IMPDH2: variants seen among roughly 807,000 people sequenced by gnomAD.
IMPDH2 encodes the protein inosine monophosphate dehydrogenase 2.
In IMPDH2, 33 loss-of-function variants were observed where a neutral mutation model predicts 57.8. That is an observed-to-expected ratio of 0.57 (90% CI 0.43 to 0.76). The LOEUF (loss-of-function observed/expected upper bound fraction) is 0.76, where lower values mean the gene tolerates loss of function less well. Among genes scored for constraint, IMPDH2 ranks in the 30% least tolerant of loss-of-function variants. IMPDH2 has a pLI of 0.00. For synonymous variants in IMPDH2, 270 were observed against 241.3 expected (o/e 1.12, Z -1.10); for missense variants, 446 against 659.1 (o/e 0.68, Z 3.54).
At position 49,028,420 on chromosome 3, in the gene IMPDH2, A is replaced by G. The variant is rs1336625815; in HGVS notation, c.249+11T>C. On this transcript the variant is annotated intron_variant, in intron 3 of 13. Transcript: ENST00000326739. ...GTCCTTGCTCCTTCCCCCACACCCC[A>G]TGGGGCTCACCGCCATTGCTATGGC... is the stretch of plus-strand genomic sequence containing the variant. The G allele has an allele frequency of 8.1e-6, 13 of 1,610,434 alleles. No homozygotes were observed. The highest frequency in any genetic ancestry group is 4.5e-5 in the East Asian group (2 of 44,872).
intron 13 of IMPDH2, 43 bp from the exon 14 acceptor site, chr3:49,024,447 G>A (rs1490885770): frequency 6.2e-7 from 1 of 1,614,176 alleles, no homozygotes; most frequent in Admixed American, 1.7e-5. Context: ...GCAGGAGAAA[G>A]GAGGCATGAG....
At chr3:49,028,919 CAG>C (rs1420157463) in intron 1 of IMPDH2, 113 bp from the exon 2 acceptor site, 7 of 868,718 alleles carry the variant, frequency 8.1e-6, no homozygotes, top group Non-Finnish European at 1.1e-5. Flanking sequence ...GTGGCACTGA[CAG>C]AGTCTGTGTG....
Position 49,026,992 on chromosome 3 carries a change from T to C in IMPDH2, c.587A>G (p.Glu196Gly). 1.2e-6 allele frequency: 2 copies of C among 1,614,158 alleles called. No homozygotes were observed. The highest frequency in any genetic ancestry group is 1.7e-6 in the Non-Finnish European group (2 of 1,179,970). The change falls in exon 6 of 14, where the codon GAG (glutamate) becomes GGG (glycine). Residue 196 changes from glutamate (E) to glycine (G), a missense_variant. Glu to Gly is a moderately conservative substitution (Grantham distance 98, BLOSUM62 -2). Transcript: ENST00000326739. ...VVAPAGITLKEANEILQRSKK... is the reference protein window; with the variant it reads ...VVAPAGITLKGANEILQRSKK... Reference sequence around the variant, plus strand: ...GCTGCGCTGCAGAATTTCATTTGCCTCCTTCAGTGTGATGCCTGCAGGGGC... The same window carrying C: ...GCTGCGCTGCAGAATTTCATTTGCCCCCTTCAGTGTGATGCCTGCAGGGGC...
At position 49,024,783 on chromosome 3, in the gene IMPDH2, C is replaced by CTT; in HGVS notation, c.1313_1314dup (p.Val439LysfsTer23). On this transcript the variant is annotated frameshift_variant, in exon 12 of 14. Transcript: ENST00000326739. LOFTEE classifies it high-confidence loss of function. ...ACAGCACCAGACACTCCCTGGGCCACTTTGATTTTGTCAGCTTCACTGCAG... is the reference window on the plus strand; with the variant it reads ...ACAGCACCAGACACTCCCTGGGCCACTTTTTGATTTTGTCAGCTTCACTGCAG... 6.2e-7 allele frequency: 1 copy of CTT among 1,614,184 alleles called. No individual in the cohort carries two copies. Among genetic ancestry groups the CTT allele is most frequent in the Non-Finnish European group, 8.5e-7 (1 of 1,180,042 alleles).
In IMPDH2 at chr3:49,025,166, C is replaced by T; in HGVS notation, c.1110G>A (p.Val370=). Residue 370 remains valine (V), a synonymous_variant, in exon 10 of 14, where the codon GTG becomes GTA. Coordinates refer to ENST00000326739, the MANE Select transcript of IMPDH2 (RefSeq NM_000884.3). ...GGGCCAAGGCTTTCGCAATATGACC[C>T]ACATTTTGGATTCCTCCATCAGCAA... is the stretch of plus-strand genomic sequence containing the variant. ...PVIADGGIQN[V]GHIAKALALG... is the part of the protein sequence containing the mutation. 1 of 1,614,214 alleles carries T rather than the reference C, an allele frequency of 6.2e-7. No homozygotes were observed. The highest frequency in any genetic ancestry group is 8.5e-7 in the Non-Finnish European group (1 of 1,180,034).
At chr3:49,029,014 C>G (rs2093212493) in intron 1 of IMPDH2, 1 of 648,892 alleles carries the variant, frequency 1.5e-6, no homozygotes, top group East Asian at 2.7e-5. Flanking sequence ...GGCACCCTGA[C>G]AATTCCATGT....
chr3:49,028,529 G>A lies in IMPDH2; in HGVS notation c.151C>T (p.Leu51=). The A allele has an allele frequency of 1.9e-6, 3 of 1,612,250 alleles. No individual in the cohort carries two copies. The highest frequency in any genetic ancestry group is 2.5e-6 in the Non-Finnish European group (3 of 1,178,344). The change falls in exon 3 of 14, where the codon CTG becomes TTG. Residue 51 remains leucine, a synonymous_variant. Transcript: ENST00000326739. ...ATTTTCTTGGTCAGAGCAGAAGTCA[G>A]GTCCTGAGGAGACAAACGTCAACCA... ...YIDFTADQVD[L]TSALTKKITL...
chr3:49,026,814 C>T lies in IMPDH2; in HGVS notation c.692G>A (p.Arg231Gln). The T allele has an allele frequency of 6.2e-7, 1 of 1,614,200 alleles. No homozygotes were observed. The highest frequency in any genetic ancestry group is 8.5e-7 in the Non-Finnish European group (1 of 1,180,032). Residue 231 changes from arginine to glutamine, a missense_variant, in exon 7 of 14, where the codon CGG becomes CAG. Transcript: ENST00000326739. Reference protein sequence around the residue: ...IIARTDLKKNRDYPLASKDAK... With the variant: ...IIARTDLKKNQDYPLASKDAK... ...ATCTTTGGAGGCTAGTGGGTAGTCC[C>T]GATTCTTCTTCAGGTCTGTCCGGGC...
rs1333518939 is a variant in IMPDH2 at position 49,026,561 on chromosome 3, T to C, written c.868A>G (p.Ile290Val). ...SIFQINMIKY[I>V]KDKYPNLQVI... is the part of the protein sequence containing the mutation. ...TGGAGATTAGGGTATTTGTCTTTGA[T>C]GTACTTGATCATATTGATCTGGAAG... Residue 290 changes from isoleucine to valine, a missense_variant, in exon 8 of 14, where the codon ATC becomes GTC. By Grantham distance (29) the Ile-to-Val change is conservative (BLOSUM62 3). Coordinates refer to ENST00000326739, the MANE Select transcript of IMPDH2 (RefSeq NM_000884.3). The C allele has an allele frequency of 1.2e-6, 2 of 1,613,890 alleles. No individual in the cohort carries two copies. The highest frequency in any genetic ancestry group is 2.2e-5 in the South Asian group (2 of 91,080).
At chr3:49,028,163 A>G in intron 4 of IMPDH2, 85 bp downstream of exon 4, 1 of 1,132,528 alleles carries the variant, frequency 8.8e-7, no homozygotes, top group Admixed American at 1.7e-5. Flanking sequence ...AAAGAATACT[A>G]AATTAGAATA....
At position 49,024,724 on chromosome 3, in the gene IMPDH2, AG is replaced by A. The variant is rs1243937686; in HGVS notation, c.1373del (p.Pro458LeufsTer3). The A allele has an allele frequency of 6.2e-7, 1 of 1,614,084 alleles. No individual in the cohort carries two copies. Among genetic ancestry groups the A allele is most frequent in the Non-Finnish European group, 8.5e-7 (1 of 1,180,028 alleles). ...AGTGTTGGATGCCAGCAATCAGGTA[AG>A]GGACAAATTTGTGGATTGACCCTTT... is the stretch of plus-strand genomic sequence containing the variant. ...QDKGSIHKFV[P>X]YLIAGIQHSC... is the part of the protein sequence containing the mutation. On this transcript the variant is annotated frameshift_variant, in exon 12 of 14. Transcript: ENST00000326739. LOFTEE classifies it high-confidence loss of function.
chr3:49,028,347 C>T, intron 3 of IMPDH2, 25 bp from the exon 4 acceptor site: 3 of 1,611,994 alleles, frequency 1.9e-6, no homozygotes, highest in Non-Finnish European at 1.7e-6. Flanking sequence ...GAGACTACTA[C>T]TAAGTGACAA....
At position 49,028,329 on chromosome 3, in the gene IMPDH2, GA is replaced by G; in HGVS notation, c.250-8del. Reference sequence around the variant, plus strand: ...AGCCAATACCGCCTGTAAGCTACAGGATAAAAAGAGACTACTACTAAGTGAC... The same window carrying G: ...AGCCAATACCGCCTGTAAGCTACAGGTAAAAAGAGACTACTACTAAGTGAC... On this transcript the variant is annotated splice_polypyrimidine_tract_variant and splice_region_variant and intron_variant, in intron 3 of 13. Coordinates refer to ENST00000326739, the MANE Select transcript of IMPDH2 (RefSeq NM_000884.3). The G allele has an allele frequency of 6.2e-7, 1 of 1,613,564 alleles. No individual in the cohort carries two copies. Among genetic ancestry groups the G allele is most frequent in the Non-Finnish European group, 8.5e-7 (1 of 1,179,476 alleles).
chr3:49,025,003 G>A lies in IMPDH2; in HGVS notation c.1188C>T (p.Ala396=), dbSNP rs773779704. The A allele has an allele frequency of 1.9e-6, 3 of 1,614,074 alleles. No homozygotes were observed. In the African/African-American group the frequency reaches 4.0e-5, roughly 22 times the overall value. The change falls in exon 11 of 14, where the codon GCC becomes GCT. Residue 396 remains alanine, a synonymous_variant. Coordinates refer to ENST00000326739, the MANE Select transcript of IMPDH2 (RefSeq NM_000884.3). ...CATCGGAAAAGAAGTATTCACCAGG[G>A]GCCTCAGTGGTGGCAGCCAGGAGAG... is the stretch of plus-strand genomic sequence containing the variant. The part of the protein sequence containing the change: ...MGSLLAATTE[A]PGEYFFSDGI...
In IMPDH2 at chr3:49,026,172, G is replaced by C. The variant is rs1218387705; in HGVS notation, c.1006+152C>G. 17 of 697,070 alleles carry C rather than the reference G, an allele frequency of 2.4e-5. No individual in the cohort carries two copies. In the Admixed American group the frequency reaches 3.0e-4, roughly 12 times the overall value. The allele number at this position is 697,070 out of a possible 1,614,324, so 43.2% of individuals were successfully genotyped here. ...GTGATGGATGACAAGACCTTGTCTT[G>C]CTTCCAGCCATGTCACCCATCCAAG... is the stretch of plus-strand genomic sequence containing the variant. On this transcript the variant is annotated intron_variant, in intron 9 of 13. Transcript: ENST00000326739.
chr3:49,026,202 C>T (rs911920309), intron 9 of IMPDH2, 122 bp downstream of exon 9: 87 of 751,668 alleles, frequency 1.2e-4, no homozygotes, highest in Non-Finnish European at 2.0e-4. Flanking sequence ...TCCAAGAGGC[C>T]AATTTGGCCC....
chr3:49,027,582 G>T, intron 5 of IMPDH2, 128 bp downstream of exon 5: 1 of 773,064 alleles, frequency 1.3e-6, no homozygotes, highest in Non-Finnish European at 2.2e-6. Flanking sequence ...CAATAAAGGA[G>T]TCAGAAACTT....
chr3:49,024,824 C>G (rs776814436), intron 11 of IMPDH2, 22 bp from the exon 12 acceptor site: 1 of 1,614,062 alleles, frequency 6.2e-7, no homozygotes, highest in South Asian at 1.1e-5. Flanking sequence ...GGCAGAGACA[C>G]GGGCAAGGTC....
intron 4 of IMPDH2, 110 bp downstream of exon 4, chr3:49,028,138 C>T: frequency 3.0e-6 from 3 of 992,092 alleles, no homozygotes; most frequent in Admixed American, 1.8e-5. Context: ...AGTAACTGAA[C>T]CCCATGGTGG....
Sources: gnomAD v4.1 joint callset for allele counts on GRCh38, gnomAD v4.1.1 for gene constraint, MANE v1.5 for transcripts, NCBI Gene and HGNC (gene_info 2026-07-23, HGNC 2026-07-21) for gene names.